Variants in SPOCK1 observed in about 807,000 individuals in gnomAD.
SPOCK1 encodes SPARC (osteonectin), cwcv and kazal like domains proteoglycan 1, also known as testican-1.
In SPOCK1, 23 loss-of-function variants were observed where a neutral mutation model predicts 55.3. That is an observed-to-expected ratio of 0.42 (90% CI 0.30 to 0.59). The LOEUF (loss-of-function observed/expected upper bound fraction) is 0.59. SPOCK1 is among the 20% of genes least tolerant of loss of function. The pLI is 0.22. For missense variants in SPOCK1, 499 were observed against 552.5 expected, an observed-to-expected ratio of 0.90 and a Z score of 0.97; for synonymous variants, 226 against 221.0, an observed-to-expected ratio of 1.02 and a Z score of -0.20.
At chr5:137,427,309 G>T (rs1752652249) in intron 2 of SPOCK1, among the ~76,000 whole-genome samples, 1 of 152,160 alleles carries the variant, frequency 6.6e-6, no homozygotes, top group Non-Finnish European at 1.5e-5. Flanking sequence ...CCACAACACT[G>T]GTTGATACTT....
chr5:137,456,867 G>A (rs922753914), intron 2 of SPOCK1, among the ~76,000 whole-genome samples: 4 of 152,126 alleles, frequency 2.6e-5, no homozygotes, highest in African/African-American at 9.7e-5. Flanking sequence ...ATACAAGATA[G>A]CTTGACACCT....
At chr5:137,086,842 G>A (rs1329534873) in intron 5 of SPOCK1, among the ~76,000 whole-genome samples, 2 of 152,072 alleles carry the variant, frequency 1.3e-5, no homozygotes, top group African/African-American at 4.8e-5. Context: ...TCTTAGTAAA[G>A]TGCCCTCCCT....
intron 2 of SPOCK1, among the ~76,000 whole-genome samples, chr5:137,290,294 T>C (rs1421781910): frequency 6.6e-6 from 1 of 152,152 alleles, no homozygotes; most frequent in Non-Finnish European, 1.5e-5. Context: ...TTACCAGAGA[T>C]GATATTACCT....
chr5:137,167,552 G>A lies in SPOCK1; in HGVS notation c.233-26858C>T, dbSNP rs1434786076. 2.0e-5 allele frequency among the ~76,000 whole-genome samples: 3 copies of A among 151,816 alleles called. No individual in the cohort carries two copies. The East Asian group carries it at 5.8e-4, about 29-fold the overall frequency. Reference sequence around the variant, plus strand: ...CAGCACCTAGATCATTCTCAAGGATGGACCTTTTTTGTTAGGTCACAAAAC... The same window carrying A: ...CAGCACCTAGATCATTCTCAAGGATAGACCTTTTTTGTTAGGTCACAAAAC... On this transcript the variant is annotated intron_variant, in intron 3 of 10. Coordinates refer to ENST00000394945, the MANE Select transcript of SPOCK1 (RefSeq NM_004598.4).
At chr5:137,012,452 T>G (rs1751369107) in intron 6 of SPOCK1, among the ~76,000 whole-genome samples, 1 of 152,140 alleles carries the variant, frequency 6.6e-6, no homozygotes, top group South Asian at 2.1e-4. Context: ...CACATGCAAT[T>G]CCAAGTGATA....
chr5:137,332,917 G>C (rs989728543), intron 2 of SPOCK1, among the ~76,000 whole-genome samples: 3 of 152,194 alleles, frequency 2.0e-5, no homozygotes, highest in Admixed American at 6.5e-5. Flanking sequence ...GAGTCCAAGA[G>C]GGAGAGATGA....
intron 6 of SPOCK1, among the ~76,000 whole-genome samples, chr5:136,997,997 T>A (rs566574916): frequency 6.6e-6 from 1 of 151,916 alleles, no homozygotes; most frequent in African/African-American, 2.4e-5. Flanking sequence ...ACTTCAATTT[T>A]TCCATCTGCA....
intron 3 of SPOCK1, among the ~76,000 whole-genome samples, chr5:137,183,669 C>T (rs908655660): frequency 1.3e-5 from 2 of 152,220 alleles, no homozygotes; most frequent in East Asian, 3.9e-4. Context: ...ACCTGGAGAA[C>T]ACTAGAGGCA....
chr5:137,261,411 T>G (rs895273657), intron 3 of SPOCK1, among the ~76,000 whole-genome samples: 2 of 152,172 alleles, frequency 1.3e-5, no homozygotes, highest in Non-Finnish European at 2.9e-5. Flanking sequence ...AAGAACTCCC[T>G]CCTTTTGAGT....
At chr5:137,293,282 A>G (rs1047305188) in intron 2 of SPOCK1, among the ~76,000 whole-genome samples, 3 of 152,306 alleles carry the variant, frequency 2.0e-5, no homozygotes, top group Non-Finnish European at 4.4e-5. Flanking sequence ...GGGAGTTCAC[A>G]GAGCCCAACA....
intron 3 of SPOCK1, among the ~76,000 whole-genome samples, chr5:137,141,259 C>G (rs144380046): frequency 2.0e-5 from 3 of 152,296 alleles, no homozygotes; most frequent in Non-Finnish European, 2.9e-5. Context: ...TCAGCTCAGG[C>G]AGGAATTACT....
chr5:137,174,390 G>A (rs1410889874), intron 3 of SPOCK1, among the ~76,000 whole-genome samples: 3 of 152,314 alleles, frequency 2.0e-5, no homozygotes, highest in Admixed American at 2.0e-4. Flanking sequence ...TATGCTTCAA[G>A]ACAATTACTA....
intron 3 of SPOCK1, among the ~76,000 whole-genome samples, chr5:137,254,553 A>C (rs796935738): frequency 2.0e-5 from 3 of 152,346 alleles, no homozygotes; most frequent in African/African-American, 7.2e-5. Flanking sequence ...TTTATTGAGC[A>C]CATCAGCATC....
intron 4 of SPOCK1, among the ~76,000 whole-genome samples, chr5:137,136,813 C>G (rs1580770247): frequency 6.6e-6 from 1 of 152,190 alleles, no homozygotes; most frequent in Non-Finnish European, 1.5e-5. Flanking sequence ...CTACAAAAAT[C>G]TGTCCCTTGC....
intron 3 of SPOCK1, among the ~76,000 whole-genome samples, chr5:137,213,675 C>A (rs1755660094): frequency 6.6e-6 from 1 of 152,170 alleles, no homozygotes; most frequent in Non-Finnish European, 1.5e-5. Flanking sequence ...TGTTGATGAG[C>A]CTCTAGTTCC....
In SPOCK1 at chr5:136,996,630, G is replaced by A. The variant is rs138142493; in HGVS notation, c.590-4030C>T. 3.2e-3 allele frequency among the ~76,000 whole-genome samples: 483 copies of A among 152,216 alleles called. 5 individuals are homozygous for A. The highest frequency in any genetic ancestry group is 0.011 in the African/African-American group (465 of 41,540). On this transcript the variant is annotated intron_variant, in intron 6 of 10. Transcript: ENST00000394945. Reference sequence around the variant, plus strand: ...AGCTAGACTTCCTGGGTCGAGTGGGGACTCAGAGAACTTTTCTGTCTTACA... The same window carrying A: ...AGCTAGACTTCCTGGGTCGAGTGGGAACTCAGAGAACTTTTCTGTCTTACA...
intron 2 of SPOCK1, among the ~76,000 whole-genome samples, chr5:137,343,610 G>A (rs541070242): frequency 4.2e-4 from 64 of 152,300 alleles, no homozygotes; most frequent in African/African-American, 1.4e-3. Flanking sequence ...TCTCAGCCCC[G>A]TTGTATGAAA....
intron 3 of SPOCK1, among the ~76,000 whole-genome samples, chr5:137,152,438 T>C (rs1201868187): frequency 6.6e-6 from 1 of 152,150 alleles, no homozygotes; most frequent in African/African-American, 2.4e-5. Flanking sequence ...TGGAAGACAG[T>C]TGCAACAATA....
At chr5:137,442,990 C>A (rs986090525) in intron 2 of SPOCK1, among the ~76,000 whole-genome samples, 1 of 152,190 alleles carries the variant, frequency 6.6e-6, no homozygotes, top group Non-Finnish European at 1.5e-5. Flanking sequence ...TCCAATTTGA[C>A]ATCTGCCCAA....
Sources: gnomAD v4.1 joint callset for allele counts (sites outside exome capture counted in the v4.1 genomes callset) on GRCh38, gnomAD v4.1.1 for gene constraint, MANE v1.5 for transcripts, NCBI Gene and HGNC (gene_info 2026-07-23, HGNC 2026-07-21) for gene names.